The following ABTB3 variants were observed in gnomAD, a reference collection of about 807,000 sequenced individuals.
The protein encoded by ABTB3 is ankyrin repeat and BTB domain containing 3.
chr12:107,629,183 G>A, the ABTB3 span, among the ~76,000 whole-genome samples: 3 of 152,112 alleles, frequency 2.0e-5, no homozygotes, highest in East Asian at 1.9e-4. Flanking sequence ...TTGAGAGGCC[G>A]AGGCAGGAGG....
chr12:107,358,705 C>T, the ABTB3 span, among the ~76,000 whole-genome samples: 1 of 152,156 alleles, frequency 6.6e-6, no homozygotes, highest in Non-Finnish European at 1.5e-5. Flanking sequence ...AGTGAGTCTC[C>T]TGCCTCAGCC....
chr12:107,588,061 T>G, the ABTB3 span, among the ~76,000 whole-genome samples: 5 of 152,180 alleles, frequency 3.3e-5, no homozygotes, highest in Admixed American at 6.5e-5. Flanking sequence ...TTCCTTGGCT[T>G]GTGGCAGCAT....
chr12:107,537,055 T>A, the ABTB3 span, among the ~76,000 whole-genome samples: 6 of 152,112 alleles, frequency 3.9e-5, no homozygotes, highest in East Asian at 3.9e-4. Flanking sequence ...CCATTAAAAA[T>A]GAAATCCTGT....
the ABTB3 span, among the ~76,000 whole-genome samples, chr12:107,437,099 C>G: frequency 1.3e-5 from 2 of 152,250 alleles, no homozygotes; most frequent in South Asian, 4.1e-4. Flanking sequence ...TGGGTGTGTT[C>G]CATAGCTTAA....
chr12:107,657,858 T>A, the ABTB3 span: 1 of 810,056 alleles, frequency 1.2e-6, no homozygotes, highest in Non-Finnish European at 2.0e-6. Context: ...CACGTGTTCC[T>A]GTTGAAAAAC....
the ABTB3 span, among the ~76,000 whole-genome samples, chr12:107,452,202 A>ATTTTTT: frequency 1.5e-4 from 16 of 110,204 alleles, no homozygotes; most frequent in East Asian, 2.8e-4. Flanking sequence ...GCCCATATGA[A>ATTTTTT]TTTTTTTTTT....
the ABTB3 span, among the ~76,000 whole-genome samples, chr12:107,391,225 G>A: frequency 6.6e-6 from 1 of 152,308 alleles, no homozygotes; most frequent in East Asian, 1.9e-4. Flanking sequence ...CAATATTGCT[G>A]CTTTATAGAT....
the ABTB3 span, among the ~76,000 whole-genome samples, chr12:107,404,148 G>A: frequency 9.4e-6 from 1 of 106,434 alleles, no homozygotes; most frequent in African/African-American, 3.5e-5. Flanking sequence ...GGATAACAGA[G>A]AGAGACTCTA....
chr12:107,637,008 C>T, the ABTB3 span, among the ~76,000 whole-genome samples: 15 of 152,350 alleles, frequency 9.8e-5, no homozygotes, highest in Admixed American at 6.5e-4. Context: ...CGTGGTGGCT[C>T]ACGCCTGTAA....
At chr12:107,541,877 G>A in the ABTB3 span, among the ~76,000 whole-genome samples, 1 of 151,326 alleles carries the variant, frequency 6.6e-6, no homozygotes, top group Admixed American at 6.6e-5. Flanking sequence ...ATTTACTCAT[G>A]TTACAAACCT....
chr12:107,371,971 G>T, the ABTB3 span, among the ~76,000 whole-genome samples: 2 of 152,124 alleles, frequency 1.3e-5, no homozygotes, highest in African/African-American at 4.8e-5. Flanking sequence ...TGTCCTGTAG[G>T]TACTCATCTG....
the ABTB3 span, among the ~76,000 whole-genome samples, chr12:107,509,109 G>A: frequency 6.6e-6 from 1 of 152,196 alleles, no homozygotes; most frequent in East Asian, 1.9e-4. Context: ...ATACAGAGAT[G>A]AGGAAACAGG....
At chr12:107,472,689 C>T in the ABTB3 span, among the ~76,000 whole-genome samples, 63 of 152,296 alleles carry the variant, frequency 4.1e-4, no homozygotes, top group African/African-American at 1.4e-3. Context: ...TTATCAGCAC[C>T]GCGCCAAGTG....
the ABTB3 span, among the ~76,000 whole-genome samples, chr12:107,554,031 A>T: frequency 6.6e-6 from 1 of 152,184 alleles, no homozygotes; most frequent in Non-Finnish European, 1.5e-5. Context: ...ACCTCAGTAG[A>T]AGCATAAGGG....
chr12:107,474,517 T>C, the ABTB3 span, among the ~76,000 whole-genome samples: 1,439 of 152,292 alleles, frequency 9.4e-3, 36 homozygotes, highest in African/African-American at 0.033. Flanking sequence ...TGTGCTCTTC[T>C]GAGTGGGCTC....
the ABTB3 span, among the ~76,000 whole-genome samples, chr12:107,518,382 T>C: frequency 2.6e-5 from 4 of 152,010 alleles, no homozygotes; most frequent in African/African-American, 7.2e-5. Context: ...CAATAATAGA[T>C]TGGATTAAGA....
the ABTB3 span, among the ~76,000 whole-genome samples, chr12:107,326,079 A>G: frequency 1.3e-5 from 2 of 152,022 alleles, no homozygotes; most frequent in African/African-American, 4.8e-5. Flanking sequence ...CTAATTTTGT[A>G]TTTTTAGTAG....
At chr12:107,432,938 A>G in the ABTB3 span, among the ~76,000 whole-genome samples, 1 of 152,194 alleles carries the variant, frequency 6.6e-6, no homozygotes, top group East Asian at 1.9e-4. Context: ...ATTAACAAGC[A>G]CACACCTATT....
chr12:107,484,580 G>A, the ABTB3 span, among the ~76,000 whole-genome samples: 9 of 150,062 alleles, frequency 6.0e-5, no homozygotes, highest in African/African-American at 1.8e-4. Flanking sequence ...TTTGAGCAGA[G>A]GAGGGATCTG....
Sources: gnomAD v4.1 joint callset for allele counts (sites outside exome capture counted in the v4.1 genomes callset) on GRCh38, gnomAD v4.1.1 for gene constraint, MANE v1.5 for transcripts, NCBI Gene and HGNC (gene_info 2026-07-23, HGNC 2026-07-21) for gene names.